The following CREBRF variants were observed in gnomAD, a reference collection of about 807,000 sequenced individuals.
CREBRF encodes UPF0474 protein C5orf41.
A neutral mutation model predicts 66.1 loss-of-function variants in CREBRF; 5 were observed. The observed-to-expected ratio is 0.08, with a 90% confidence interval of 0.04 to 0.16. The LOEUF (loss-of-function observed/expected upper bound fraction) is 0.16. CREBRF is among the 10% of genes least tolerant of loss of function. The probability of loss-of-function intolerance (pLI) is 1.00; values close to 1 mark genes in which losing one functional copy is unlikely to be tolerated. For synonymous variants in CREBRF, 229 were observed against 264.4 expected (o/e 0.87, Z 1.30); for missense variants, 531 against 744.9 (o/e 0.71, Z 3.34).
rs70984939 is a variant in CREBRF at position 173,100,118 on chromosome 5, G to GTGTGTGTGTGTATATA, written c.1223-8505_1223-8504insGTGTGTGTGTATATAT. On this transcript the variant is annotated intron_variant, in intron 4 of 8. Coordinates refer to ENST00000296953, the MANE Select transcript of CREBRF (RefSeq NM_153607.3). ...TGTGTGTGTGTGTGTGTGTGTGTGT[G>GTGTGTGTGTGTATATA]TATATATATATAATTTTTTTTTTTT... Among the ~76,000 whole-genome samples the GTGTGTGTGTGTATATA allele has an allele frequency of 2.9e-3, 258 of 88,330 alleles. 1 individual carries two copies. Among genetic ancestry groups the GTGTGTGTGTGTATATA allele is most frequent in the Non-Finnish European group, 4.0e-3 (186 of 46,774 alleles). 57.9% of individuals were successfully genotyped at this position (88,330 alleles called of 152,430 possible). A position where few individuals can be genotyped will look rare whatever the true frequency, so the allele number is the denominator to read the frequency against.
At chr5:173,123,497 C>G in intron 8 of CREBRF, 2 of 284,164 alleles carry the variant, frequency 7.0e-6, no homozygotes, top group South Asian at 7.5e-5. Flanking sequence ...GCTGTCAAGC[C>G]TGCAGTTTGC....
At chr5:173,093,486 A>G (rs1002550829) in intron 4 of CREBRF, among the ~76,000 whole-genome samples, 1 of 152,050 alleles carries the variant, frequency 6.6e-6, no homozygotes, top group African/African-American at 2.4e-5. Flanking sequence ...TTTAAGATCT[A>G]CTCTCTTAAC....
At chr5:173,062,474 T>C (rs538345631) in intron 1 of CREBRF, among the ~76,000 whole-genome samples, 1 of 152,328 alleles carries the variant, frequency 6.6e-6, no homozygotes, top group African/African-American at 2.4e-5. Flanking sequence ...ATTCTAAAAT[T>C]GATCCGTTCT....
Position 173,132,826 on chromosome 5 carries a change from C to T in CREBRF, c.1805-804C>T, listed in dbSNP as rs372972528. Among the ~76,000 whole-genome samples the T allele has an allele frequency of 5.3e-5, 8 of 150,094 alleles. No individual in the cohort carries two copies. The East Asian group carries it at 8.1e-4, about 15-fold the overall frequency. ...GTTGGTCAGGCTGGTCTTGAACTTC[C>T]GACCTCAGGTGATCTGCCGACCTCA... On this transcript the variant is annotated intron_variant, in intron 8 of 8. Transcript: ENST00000296953.
rs978564208 is a variant in CREBRF, at chr5:173,136,474, C to T, written c.*2729C>T. 5.3e-5 allele frequency: 8 copies of T among 152,348 alleles called. No individual in the cohort carries two copies. The highest frequency in any genetic ancestry group is 7.4e-5 in the Non-Finnish European group (5 of 67,902). 9.4% of individuals were successfully genotyped at this position (152,348 alleles called of 1,614,324 possible). A position where few individuals can be genotyped will look rare whatever the true frequency, so the allele number is the denominator to read the frequency against. On this transcript the variant is annotated 3_prime_UTR_variant, in exon 9 of 9. Transcript: ENST00000296953. Reference sequence around the variant, plus strand: ...ATCTGGGCTGGTCAGAATGCTGCAGCGATACTTGATCTATATAAAAACCTG... The same window carrying T: ...ATCTGGGCTGGTCAGAATGCTGCAGTGATACTTGATCTATATAAAAACCTG...
At chr5:173,072,126 GAGAC>G (rs1040195691) in intron 1 of CREBRF, among the ~76,000 whole-genome samples, 2 of 150,872 alleles carry the variant, frequency 1.3e-5, no homozygotes, top group Non-Finnish European at 3.0e-5. Flanking sequence ...TTTTTTTTAA[GAGAC>G]AGAGTCTCAC....
At chr5:173,072,958 G>T (rs1216232913) in intron 1 of CREBRF, among the ~76,000 whole-genome samples, 2 of 152,196 alleles carry the variant, frequency 1.3e-5, no homozygotes, top group Non-Finnish European at 2.9e-5. Flanking sequence ...AATTTAAAGA[G>T]TGAAGGCTGA....
intron 4 of CREBRF, among the ~76,000 whole-genome samples, chr5:173,095,290 G>A (rs563774199): frequency 4.9e-5 from 7 of 143,484 alleles, no homozygotes; most frequent in Admixed American, 7.6e-5. Flanking sequence ...CCAGGTTCAC[G>A]CCATTCTCCT....
At chr5:173,085,581 T>G in intron 2 of CREBRF, 2 of 548,694 alleles carry the variant, frequency 3.6e-6, no homozygotes, top group Admixed American at 6.2e-5. Flanking sequence ...CACGCCCGGC[T>G]AATTTTTGTG....
intron 2 of CREBRF, chr5:173,086,128 AT>A (rs1581675724): frequency 1.3e-6 from 1 of 798,662 alleles, no homozygotes; most frequent in East Asian, 2.4e-5. Context: ...TCCGATGGAA[AT>A]TTGTTTGTCG....
intron 3 of CREBRF, among the ~76,000 whole-genome samples, chr5:173,086,926 G>A (rs1293952662): frequency 6.7e-6 from 1 of 148,442 alleles, no homozygotes. Context: ...ACAGGTGTGT[G>A]TCACCACATC....
chr5:173,131,393 T>C (rs1759420470), intron 8 of CREBRF, among the ~76,000 whole-genome samples: 2 of 152,162 alleles, frequency 1.3e-5, no homozygotes, highest in Admixed American at 1.3e-4. Context: ...CATTATAGCA[T>C]TTTTTTGTGT....
chr5:173,082,235 G>A lies in CREBRF; in HGVS notation c.9+1451G>A, dbSNP rs542869560. Among the ~76,000 whole-genome samples, 26 of 151,874 alleles carry A rather than the reference G, an allele frequency of 1.7e-4. No individual in the cohort carries two copies. In the South Asian group the frequency reaches 4.2e-3, roughly 24 times the overall value. On this transcript the variant is annotated intron_variant, in intron 2 of 8. Transcript: ENST00000296953. ...TCACCGTGTCAGCCAGGATGGTCCC[G>A]ATCTCCTGACCTCGTGATCCACCCG...
rs70984946 is a variant in CREBRF at position 173,129,106 on chromosome 5, C to CTTTTTT, written c.1805-4501_1805-4496dup. Among the ~76,000 whole-genome samples the CTTTTTT allele has an allele frequency of 6.0e-4, 32 of 53,750 alleles. 3 individuals carry two copies. Among genetic ancestry groups the CTTTTTT allele is most frequent in the African/African-American group, 2.3e-3 (28 of 12,290 alleles). 35.3% of individuals were successfully genotyped at this position (53,750 alleles called of 152,430 possible). A position where few individuals can be genotyped will look rare whatever the true frequency, so the allele number is the denominator to read the frequency against. On this transcript the variant is annotated intron_variant, in intron 8 of 8. Transcript: ENST00000296953. ...CTGAATCATTTTATATTAGTTACAT[C>CTTTTTT]TTTTTTTTTTTTTTTTTTTTTTTTT...
chr5:173,068,093 T>C (rs985642586), intron 1 of CREBRF: 7 of 452,192 alleles, frequency 1.5e-5, no homozygotes, highest in African/African-American at 1.4e-4. Flanking sequence ...TACCTTAGTT[T>C]TATTAGCATA....
At chr5:173,081,439 C>A (rs181361698) in intron 2 of CREBRF, among the ~76,000 whole-genome samples, 1 of 152,150 alleles carries the variant, frequency 6.6e-6, no homozygotes, top group Non-Finnish European at 1.5e-5. Flanking sequence ...TCTTGCCCCT[C>A]CCCTGTTTGT....
intron 7 of CREBRF, among the ~76,000 whole-genome samples, chr5:173,120,977 G>C (rs1341569411): frequency 6.6e-6 from 1 of 152,152 alleles, no homozygotes; most frequent in Non-Finnish European, 1.5e-5. Context: ...ACAGGCACGA[G>C]CCACCGCGTC....
intron 1 of CREBRF, among the ~76,000 whole-genome samples, chr5:173,067,915 G>C (rs1007676509): frequency 6.6e-6 from 1 of 152,066 alleles, no homozygotes; most frequent in Non-Finnish European, 1.5e-5. Context: ...CAGGAGAATG[G>C]TGTGAACCCA....
intron 8 of CREBRF, among the ~76,000 whole-genome samples, chr5:173,132,695 G>C (rs1759501513): frequency 6.8e-6 from 1 of 146,474 alleles, no homozygotes; most frequent in African/African-American, 2.5e-5. Flanking sequence ...CACCCCCCGG[G>C]TTCAAGCAGT....
Sources: allele counts gnomAD v4.1 joint callset (sites outside exome capture counted in the v4.1 genomes callset), GRCh38; gene constraint gnomAD v4.1.1; transcripts MANE v1.5; gene names NCBI Gene and HGNC (gene_info 2026-07-23, HGNC 2026-07-21).